Variants in L3MBTL4 observed in about 807,000 individuals in gnomAD.
L3MBTL4 encodes the protein lethal(3)malignant brain tumor-like protein 4.
Under a neutral mutation model 84.5 loss-of-function variants are expected in L3MBTL4, and 70 were observed. That is an observed-to-expected ratio of 0.83 (90% CI 0.68 to 1.01). The LOEUF is 1.01. Among genes scored for constraint, L3MBTL4 ranks in the 50% least tolerant of loss-of-function variants. The pLI is 0.00. For synonymous variants in L3MBTL4, 274 were observed against 259.8 expected, an observed-to-expected ratio of 1.05 and a Z score of -0.52; for missense variants, 715 against 754.8, an observed-to-expected ratio of 0.95 and a Z score of 0.62.
Position 6,411,786 on chromosome 18 carries a change from T to C in L3MBTL4, c.-91+3015A>G, listed in dbSNP as rs1000912153. 7.2e-5 allele frequency among the ~76,000 whole-genome samples: 11 copies of C among 152,166 alleles called. No homozygotes were observed. In the East Asian group the frequency reaches 2.1e-3, roughly 29 times the overall value. On this transcript the variant is annotated intron_variant, in intron 1 of 18. Transcript: ENST00000317931. ...TAACTGGCTTTCCCCCGATCCAACA[T>C]CAGAGTTTCTCTCTCCACTGAAAAG...
chr18:5,963,613 T>A (rs1401035902), intron 17 of L3MBTL4, among the ~76,000 whole-genome samples: 1 of 152,246 alleles, frequency 6.6e-6, no homozygotes, highest in Non-Finnish European at 1.5e-5. Flanking sequence ...AGGAAAAAGT[T>A]CCATGAACTG....
At chr18:6,175,990 A>G (rs2044210242) in intron 12 of L3MBTL4, among the ~76,000 whole-genome samples, 1 of 152,118 alleles carries the variant, frequency 6.6e-6, no homozygotes, top group African/African-American at 2.4e-5. Flanking sequence ...ACTTAGCAAA[A>G]CATCTGAGAA....
chr18:6,332,432 G>A (rs1178060379), intron 1 of L3MBTL4, among the ~76,000 whole-genome samples: 2 of 152,140 alleles, frequency 1.3e-5, no homozygotes, highest in Non-Finnish European at 2.9e-5. Flanking sequence ...GTTTCATGCT[G>A]AGTCACATGG....
At chr18:6,150,154 T>C (rs933383602) in intron 13 of L3MBTL4, among the ~76,000 whole-genome samples, 1 of 152,202 alleles carries the variant, frequency 6.6e-6, no homozygotes, top group African/African-American at 2.4e-5. Flanking sequence ...ACTAAAAATG[T>C]CAAGCTGGTT....
chr18:5,966,066 G>C (rs1290982917), intron 17 of L3MBTL4, among the ~76,000 whole-genome samples: 4 of 152,152 alleles, frequency 2.6e-5, no homozygotes, highest in Non-Finnish European at 5.9e-5. Context: ...CTTCCTAACA[G>C]CTTCTCTTTC....
At chr18:6,077,693 A>G (rs1199646066) in intron 16 of L3MBTL4, among the ~76,000 whole-genome samples, 1 of 151,778 alleles carries the variant, frequency 6.6e-6, no homozygotes, top group African/African-American at 2.4e-5. Context: ...TAGAAGAAAT[A>G]GAGCACAAAT....
chr18:6,140,929 G>C (rs1446035637), intron 13 of L3MBTL4, among the ~76,000 whole-genome samples: 1 of 151,596 alleles, frequency 6.6e-6, no homozygotes, highest in Non-Finnish European at 1.5e-5. Flanking sequence ...CACACACTGG[G>C]ACCTAGACTC....
intron 16 of L3MBTL4, among the ~76,000 whole-genome samples, chr18:6,007,437 G>A (rs768779477): frequency 6.6e-6 from 1 of 151,894 alleles, no homozygotes; most frequent in Non-Finnish European, 1.5e-5. Context: ...TACCTTGTTG[G>A]AAAAAAATTC....
chr18:6,135,820 A>C (rs1053411207), intron 14 of L3MBTL4, among the ~76,000 whole-genome samples: 4 of 152,182 alleles, frequency 2.6e-5, no homozygotes, highest in African/African-American at 9.6e-5. Flanking sequence ...CCCTTTACAC[A>C]GTTCCAAAGT....
At chr18:6,149,443 T>C (rs548420356) in intron 13 of L3MBTL4, among the ~76,000 whole-genome samples, 39 of 152,048 alleles carry the variant, frequency 2.6e-4, no homozygotes, top group Admixed American at 1.4e-3. Context: ...TAATCCAGTC[T>C]ATCATTGTTG....
intron 14 of L3MBTL4, among the ~76,000 whole-genome samples, chr18:6,103,979 C>A (rs142838268): frequency 6.6e-6 from 1 of 152,278 alleles, no homozygotes; most frequent in African/African-American, 2.4e-5. Flanking sequence ...CTCCCCACAA[C>A]AAGCCATGCT....
intron 12 of L3MBTL4, among the ~76,000 whole-genome samples, chr18:6,181,543 T>C (rs1347461568): frequency 6.6e-6 from 1 of 151,854 alleles, no homozygotes; most frequent in East Asian, 1.9e-4. Context: ...TTGGCCAGCC[T>C]GGTCTCGAAC....
At chr18:6,233,890 G>A (rs2047100954) in intron 10 of L3MBTL4, among the ~76,000 whole-genome samples, 1 of 152,158 alleles carries the variant, frequency 6.6e-6, no homozygotes, top group Non-Finnish European at 1.5e-5. Flanking sequence ...CAAAGCTGGA[G>A]GCATCACACT....
At chr18:6,023,930 C>T (rs2055383480) in intron 16 of L3MBTL4, among the ~76,000 whole-genome samples, 1 of 152,198 alleles carries the variant, frequency 6.6e-6, no homozygotes, top group South Asian at 2.1e-4. Flanking sequence ...AGCTATTACG[C>T]TTTTTACAAG....
intron 5 of L3MBTL4, among the ~76,000 whole-genome samples, chr18:6,251,727 A>G (rs1032357491): frequency 6.6e-5 from 10 of 152,222 alleles, no homozygotes; most frequent in Non-Finnish European, 1.5e-5. Context: ...TCAAATATCT[A>G]AAATTGGTGG....
intron 16 of L3MBTL4, among the ~76,000 whole-genome samples, chr18:6,008,850 C>T (rs1203331935): frequency 1.3e-5 from 2 of 152,196 alleles, no homozygotes; most frequent in African/African-American, 2.4e-5. Context: ...AATGAGGCAA[C>T]AGTCTGTGTG....
At chr18:6,305,548 C>A (rs563245561) in intron 3 of L3MBTL4, among the ~76,000 whole-genome samples, 3 of 152,120 alleles carry the variant, frequency 2.0e-5, no homozygotes, top group Non-Finnish European at 4.4e-5. Context: ...ATACAAAATG[C>A]GAAAAATAAA....
chr18:6,265,493 G>A (rs2048590102), intron 4 of L3MBTL4, among the ~76,000 whole-genome samples: 1 of 152,186 alleles, frequency 6.6e-6, no homozygotes, highest in Non-Finnish European at 1.5e-5. Context: ...AATATGGGAA[G>A]GAGGTTAAAG....
chr18:6,329,873 C>G (rs1472930587), intron 1 of L3MBTL4, among the ~76,000 whole-genome samples: 1 of 152,148 alleles, frequency 6.6e-6, no homozygotes, highest in East Asian at 1.9e-4. Context: ...GATTAAGTTT[C>G]GACAGGAGTT....
Sources: gnomAD v4.1 joint callset for allele counts (sites outside exome capture counted in the v4.1 genomes callset) on GRCh38, gnomAD v4.1.1 for gene constraint, MANE v1.5 for transcripts, NCBI Gene and HGNC (gene_info 2026-07-23, HGNC 2026-07-21) for gene names.